Variants in ADGRL3 observed in about 807,000 individuals in gnomAD.
The protein encoded by ADGRL3 is calcium-independent alpha-latrotoxin receptor 3.
A neutral mutation model predicts 153.5 loss-of-function variants in ADGRL3; 62 were observed. The ratio of observed to expected loss-of-function variants is 0.40; its 90% CI spans 0.33 to 0.50. The LOEUF (loss-of-function observed/expected upper bound fraction) is 0.50, where lower values mean the gene tolerates loss of function less well. Among genes scored for constraint, ADGRL3 ranks in the 20% least tolerant of loss-of-function variants. ADGRL3 has a pLI of 0.47. For synonymous variants in ADGRL3, 710 were observed against 672.5 expected, an observed-to-expected ratio of 1.06 and a Z score of -0.86; for missense variants, 1,641 against 1,859.4, an observed-to-expected ratio of 0.88 and a Z score of 2.16.
chr4:61,401,923 C>T (rs2096934485), intron 2 of ADGRL3, among the ~76,000 whole-genome samples: 1 of 151,944 alleles, frequency 6.6e-6, no homozygotes, highest in Admixed American at 6.6e-5. Flanking sequence ...GAGTAAAGGG[C>T]CAGATAGTAA....
chr4:61,294,393 G>T (rs994067613), intron 1 of ADGRL3, among the ~76,000 whole-genome samples: 1 of 152,160 alleles, frequency 6.6e-6, no homozygotes, highest in Non-Finnish European at 1.5e-5. Context: ...AGTGTTCTGA[G>T]CATGTTTAAG....
At chr4:61,637,192 T>A (rs2093461862) in intron 5 of ADGRL3, among the ~76,000 whole-genome samples, 1 of 152,180 alleles carries the variant, frequency 6.6e-6, no homozygotes, top group Non-Finnish European at 1.5e-5. Context: ...TTAGTTAAGA[T>A]AAGGTCATAT....
At chr4:61,335,900 A>G (rs1380831299) in intron 1 of ADGRL3, among the ~76,000 whole-genome samples, 1 of 152,182 alleles carries the variant, frequency 6.6e-6, no homozygotes. Flanking sequence ...TCATTGTAGG[A>G]GAAAAGAAGT....
rs1034784658 is a variant in ADGRL3, at chr4:62,004,723, A to G, written c.3395+6458A>G. The stretch of plus-strand genomic sequence containing the variant: ...GCTATACTGAAGATGTGTTTTCCCA[A>G]ATTTTAAAAATCAAATGTACTTCTC... On this transcript the variant is annotated intron_variant, in intron 21 of 26. Coordinates refer to ENST00000683033, the MANE Select transcript of ADGRL3 (RefSeq NM_001387552.1). 2.0e-5 allele frequency among the ~76,000 whole-genome samples: 3 copies of G among 152,056 alleles called. No individual in the cohort carries two copies. In the East Asian group the frequency reaches 5.8e-4, roughly 29 times the overall value.
At chr4:61,918,223 G>C (rs1442073220) in intron 13 of ADGRL3, among the ~76,000 whole-genome samples, 1 of 152,132 alleles carries the variant, frequency 6.6e-6, no homozygotes, top group Non-Finnish European at 1.5e-5. Flanking sequence ...ATGACAGAAT[G>C]CTTTTTGCCT....
chr4:61,886,128 G>A (rs912735240), intron 9 of ADGRL3, among the ~76,000 whole-genome samples: 8 of 152,002 alleles, frequency 5.3e-5, no homozygotes, highest in Non-Finnish European at 2.9e-5. Context: ...TCACTATCTC[G>A]GGAGGCCATG....
At chr4:62,007,599 G>A (rs2099166359) in intron 21 of ADGRL3, among the ~76,000 whole-genome samples, 1 of 150,548 alleles carries the variant, frequency 6.6e-6, no homozygotes, top group Non-Finnish European at 1.5e-5. Context: ...CAGGAGCCAG[G>A]ATGTGGCTCC....
rs1285781824 is a variant in ADGRL3, at chr4:61,935,985, A to G, written c.2359A>G (p.Met787Val). ...AGAAGACCTAAAATTTCCAGAAAACATGGGCCATGGAAGCACTATCCAGCT... is the reference window on the plus strand; with the variant it reads ...AGAAGACCTAAAATTTCCAGAAAACGTGGGCCATGGAAGCACTATCCAGCT... The part of the protein sequence containing the change: ...NLEDLKFPEN[M>V]GHGSTIQLSA... Residue 787 changes from methionine (M) to valine (V), a missense_variant, in exon 15 of 27, where the codon ATG becomes GTG. Around this residue, in one of 5 missense-constraint regions of ADGRL3, gnomAD observed 734 missense variants for 797.0 expected, o/e 0.92. Transcript: ENST00000683033. 3 of 1,607,882 alleles carry G rather than the reference A, an allele frequency of 1.9e-6. No individual in the cohort carries two copies. In the African/African-American group the frequency reaches 4.0e-5, roughly 21 times the overall value.
intron 5 of ADGRL3, among the ~76,000 whole-genome samples, chr4:61,664,194 T>C (rs567454997): frequency 1.3e-5 from 2 of 152,206 alleles, no homozygotes. Flanking sequence ...GAGAAACTAT[T>C]GGGAAATATT....
intron 4 of ADGRL3, among the ~76,000 whole-genome samples, chr4:61,528,328 T>C (rs1164946212): frequency 6.6e-6 from 1 of 152,136 alleles, no homozygotes; most frequent in African/African-American, 2.4e-5. Flanking sequence ...TGGGAAGTCT[T>C]TCTCAGTCTC....
At chr4:61,855,711 T>C (rs979183236) in intron 9 of ADGRL3, among the ~76,000 whole-genome samples, 24 of 151,746 alleles carry the variant, frequency 1.6e-4, no homozygotes, top group Admixed American at 6.6e-4. Flanking sequence ...GAGCTATTAA[T>C]GAAGAAAAAA....
At chr4:62,059,244 T>C (rs1208950164) in intron 25 of ADGRL3, among the ~76,000 whole-genome samples, 1 of 147,632 alleles carries the variant, frequency 6.8e-6, no homozygotes, top group Non-Finnish European at 1.5e-5. Context: ...GGATAATTGT[T>C]TGATTACTCA....
intron 9 of ADGRL3, among the ~76,000 whole-genome samples, chr4:61,869,470 C>T (rs1348636505): frequency 6.6e-6 from 1 of 151,482 alleles, no homozygotes; most frequent in Non-Finnish European, 1.5e-5. Context: ...CGGTGGCGGG[C>T]GCCTGTAGTC....
At chr4:61,484,430 G>A (rs1191392066) in intron 2 of ADGRL3, among the ~76,000 whole-genome samples, 1 of 152,132 alleles carries the variant, frequency 6.6e-6, no homozygotes, top group African/African-American at 2.4e-5. Context: ...TCATCACTGT[G>A]AAGTCAATTT....
At chr4:61,344,627 G>A (rs1057496359) in intron 1 of ADGRL3, among the ~76,000 whole-genome samples, 6 of 151,756 alleles carry the variant, frequency 4.0e-5, no homozygotes, top group Non-Finnish European at 7.4e-5. Context: ...GTGTGAGATT[G>A]GTGAGAATGA....
intron 9 of ADGRL3, among the ~76,000 whole-genome samples, chr4:61,885,150 C>A (rs558244808): frequency 2.0e-5 from 3 of 151,970 alleles, no homozygotes; most frequent in Non-Finnish European, 4.4e-5. Flanking sequence ...GTGGTGCATG[C>A]CTGTAATCCC....
chr4:61,400,505 A>G (rs1050411537), intron 2 of ADGRL3, among the ~76,000 whole-genome samples: 7 of 151,882 alleles, frequency 4.6e-5, no homozygotes, highest in African/African-American at 1.7e-4. Context: ...AACCATCACT[A>G]TATATTGTTC....
At chr4:61,229,890 G>C (rs886478546) in intron 1 of ADGRL3, among the ~76,000 whole-genome samples, 2 of 2,992 alleles carry the variant, frequency 6.7e-4, no homozygotes, top group Non-Finnish European at 0.031. Context: ...GACAGAGTGA[G>C]ACCCTGTTCT....
intron 2 of ADGRL3, among the ~76,000 whole-genome samples, chr4:61,417,723 A>G (rs1470932129): frequency 6.6e-6 from 1 of 150,932 alleles, no homozygotes; most frequent in East Asian, 2.0e-4. Flanking sequence ...TTTCACTTTT[A>G]GAGGAGGTGC....
Sources: allele counts gnomAD v4.1 joint callset (sites outside exome capture counted in the v4.1 genomes callset), GRCh38; gene constraint gnomAD v4.1.1; regional missense constraint gnomAD v4.1.1; transcripts MANE v1.5; gene names NCBI Gene and HGNC (gene_info 2026-07-23, HGNC 2026-07-21).